The following RASA3 variants were observed in gnomAD, a reference collection of about 807,000 sequenced individuals.
RASA3 encodes the protein RAS p21 protein activator 3.
A neutral mutation model predicts 110.0 loss-of-function variants in RASA3; 73 were observed. The observed-to-expected ratio is 0.66, with a 90% confidence interval of 0.55 to 0.81. RASA3 has a LOEUF of 0.81. Among genes scored for constraint, RASA3 ranks in the 30% least tolerant of loss-of-function variants. The probability of loss-of-function intolerance (pLI) is 0.00; values close to 1 mark genes in which losing one functional copy is unlikely to be tolerated. For synonymous variants in RASA3, 500 were observed against 451.4 expected (o/e 1.11, Z -1.37); for missense variants, 976 against 1,113.2 (o/e 0.88, Z 1.75).
At chr13:114,040,322 C>T (rs1330083232) in intron 4 of RASA3, among the ~76,000 whole-genome samples, 5 of 142,914 alleles carry the variant, frequency 3.5e-5, no homozygotes, top group Non-Finnish European at 6.1e-5. Flanking sequence ...CGAGCACAAG[C>T]GGGCGAACAC....
At chr13:114,004,833 C>T (rs918603370) in intron 18 of RASA3, among the ~76,000 whole-genome samples, 13 of 152,172 alleles carry the variant, frequency 8.5e-5, no homozygotes, top group African/African-American at 1.2e-4. Flanking sequence ...GTACGTTTAC[C>T]GCTGAACCAC....
intron 2 of RASA3, among the ~76,000 whole-genome samples, chr13:114,067,207 C>A (rs991930024): frequency 5.5e-5 from 8 of 144,830 alleles, no homozygotes; most frequent in Admixed American, 4.8e-4. Flanking sequence ...ACGGGCCCCC[C>A]ACCTGGGGCA....
chr13:114,064,329 A>T lies in RASA3; in HGVS notation c.173+9391T>A, dbSNP rs1399682347. ...AACCCACGGTGAGCACCCGGCAGGA[A>T]GTGGCCACAGCACCATCACTGGAGG... is the stretch of plus-strand genomic sequence containing the variant. On this transcript the variant is annotated intron_variant, in intron 2 of 23. Coordinates refer to ENST00000334062, the MANE Select transcript of RASA3 (RefSeq NM_007368.4). 4.6e-5 allele frequency among the ~76,000 whole-genome samples: 7 copies of T among 152,158 alleles called. 1 individual carries two copies. The highest frequency in any genetic ancestry group is 7.3e-5 in the Non-Finnish European group (5 of 68,038).
intron 3 of RASA3, 51 bp downstream of exon 3, chr13:114,052,001 C>T: frequency 7.0e-7 from 1 of 1,423,054 alleles, no homozygotes. Flanking sequence ...TAATACTCGC[C>T]TGGTACAGAA....
At position 114,065,235 on chromosome 13, in the gene RASA3, T is replaced by C. The variant is rs1447683832; in HGVS notation, c.173+8485A>G. On this transcript the variant is annotated intron_variant, in intron 2 of 23. Transcript: ENST00000334062. This position sits in a 1 kb window ranked among gnomAD's most constrained non-coding sequence, Gnocchi z 4.1. The stretch of plus-strand genomic sequence containing the variant: ...TCACTTCCCAGCATCTGCGCAAGGC[T>C]GGCGCTGCCCCATCCCGCCTGCGGC... Among the ~76,000 whole-genome samples the C allele has an allele frequency of 1.3e-5, 2 of 152,180 alleles. No individual in the cohort carries two copies. Among genetic ancestry groups the C allele is most frequent in the African/African-American group, 4.8e-5 (2 of 41,448 alleles).
rs1810067341 is a variant in RASA3, at chr13:114,013,553, CCTCTGTCTCTCTCCCTAT to C, written c.1406-323_1406-306del. 4.5e-5 allele frequency among the ~76,000 whole-genome samples: 6 copies of C among 133,722 alleles called. 1 individual carries two copies. 87.7% of individuals were successfully genotyped at this position (133,722 alleles called of 152,430 possible). A position where few individuals can be genotyped will look rare whatever the true frequency, so the allele number is the denominator to read the frequency against. On this transcript the variant is annotated intron_variant, in intron 14 of 23. Transcript: ENST00000334062. The stretch of plus-strand genomic sequence containing the variant: ...CTCTGTCTCTCTCCCTCTCTTTGTC[CCTCTGTCTCTCTCCCTAT>C]CTCTGTCTCTCTCTCTCTCTCTCCG...
chr13:113,994,166 CT>C (rs1296589299), intron 21 of RASA3, among the ~76,000 whole-genome samples: 1 of 152,024 alleles, frequency 6.6e-6, no homozygotes, highest in African/African-American at 2.4e-5. Flanking sequence ...CAGTTTTTCC[CT>C]TTTCTTCCCA....
chr13:114,060,091 G>A (rs978059382), intron 2 of RASA3, among the ~76,000 whole-genome samples: 8 of 152,240 alleles, frequency 5.3e-5, no homozygotes, highest in Non-Finnish European at 7.3e-5. Flanking sequence ...CGCGGAGAGC[G>A]CAGGAGGGGT....
At chr13:114,032,407 A>C (rs937829108) in intron 4 of RASA3, among the ~76,000 whole-genome samples, 1 of 152,286 alleles carries the variant, frequency 6.6e-6, no homozygotes, top group Middle Eastern at 3.4e-3. Context: ...CTGCCTTCTC[A>C]GGTCAAACTG....
intron 10 of RASA3, 150 bp downstream of exon 10, chr13:114,018,613 C>T (rs887649339): frequency 3.0e-6 from 3 of 1,001,250 alleles, no homozygotes; most frequent in African/African-American, 1.6e-5. Flanking sequence ...GGGGTCCAGG[C>T]ATCTGGACGG....
In RASA3 at chr13:114,132,614, A is replaced by C. The variant is rs2080538612; in HGVS notation, c.-125T>G. Reference sequence around the variant, plus strand: ...GGCCGAGGGTCCGCCCGCCTGCAAGACCGCCAGTTGGCCGAGGGCGAGGGC... The same window carrying C: ...GGCCGAGGGTCCGCCCGCCTGCAAGCCCGCCAGTTGGCCGAGGGCGAGGGC... On this transcript the variant is annotated 5_prime_UTR_variant, in exon 1 of 24. Coordinates refer to ENST00000334062, the MANE Select transcript of RASA3 (RefSeq NM_007368.4). 2 of 747,756 alleles carry C rather than the reference A, an allele frequency of 2.7e-6. No homozygotes were observed. The highest frequency in any genetic ancestry group is 9.7e-5 in the Admixed American group (2 of 20,578). 46.3% of individuals were successfully genotyped at this position (747,756 alleles called of 1,614,324 possible).
At chr13:114,077,167 C>T (rs74116467) in intron 1 of RASA3, among the ~76,000 whole-genome samples, 12,451 of 152,212 alleles carry the variant, frequency 0.082, 1,076 homozygotes, top group African/African-American at 0.21. Flanking sequence ...CTGGGTCTTC[C>T]GAAGGCGGAC....
chr13:114,061,074 C>G (rs1228735116), intron 2 of RASA3, among the ~76,000 whole-genome samples: 2 of 152,170 alleles, frequency 1.3e-5, no homozygotes, highest in African/African-American at 2.4e-5. Context: ...TTCTTCTTCC[C>G]GAGACCTCGC....
chr13:114,087,976 A>G (rs934299261), intron 1 of RASA3, among the ~76,000 whole-genome samples: 9 of 152,188 alleles, frequency 5.9e-5, no homozygotes, highest in Non-Finnish European at 1.2e-4. Flanking sequence ...CTAAAAATAC[A>G]AAAAATTAGC....
In RASA3 at chr13:114,112,588, C is replaced by A. The variant is rs1260288512; in HGVS notation, c.55+19847G>T. Among the ~76,000 whole-genome samples the A allele has an allele frequency of 6.6e-6, 1 of 152,072 alleles. No homozygotes were observed. Among genetic ancestry groups the A allele is most frequent in the Non-Finnish European group, 1.5e-5 (1 of 67,998 alleles). On this transcript the variant is annotated intron_variant, in intron 1 of 23. Coordinates refer to ENST00000334062, the MANE Select transcript of RASA3 (RefSeq NM_007368.4). The surrounding 1 kb of genome is among the most constrained non-coding windows in gnomAD (Gnocchi z 4.8). ...CGCGTGCCCGGGGATGCTGGTGCTG[C>A]AGGTATGGGGACCCCGCTAGGAGAG...
At chr13:113,979,502 G>C (rs184330604) in intron 23 of RASA3, 80 bp from the exon 24 acceptor site, 1 of 1,133,166 alleles carries the variant, frequency 8.8e-7, no homozygotes, top group Non-Finnish European at 1.3e-6. Context: ...AGCTTTTCCT[G>C]TTCCTAAATG....
intron 3 of RASA3, among the ~76,000 whole-genome samples, chr13:114,042,695 C>G (rs1420135215): frequency 1.3e-5 from 2 of 152,228 alleles, no homozygotes; most frequent in Non-Finnish European, 2.9e-5. Flanking sequence ...AAGGAAGATC[C>G]TTTTATATTT....
intron 4 of RASA3, among the ~76,000 whole-genome samples, chr13:114,030,572 G>A (rs1216752599): frequency 6.6e-6 from 1 of 151,570 alleles, no homozygotes; most frequent in South Asian, 2.1e-4. Context: ...GCTCACGGGG[G>A]CTTCTAGCAG....
rs1430128631 is a variant in RASA3 at position 114,048,823 on chromosome 13, T to C, written c.277+3229A>G. Among the ~76,000 whole-genome samples, 4 of 150,830 alleles carry C rather than the reference T, an allele frequency of 2.7e-5. No homozygotes were observed. Among genetic ancestry groups the C allele is most frequent in the Non-Finnish European group, 5.9e-5 (4 of 67,686 alleles). On this transcript the variant is annotated intron_variant, in intron 3 of 23. Coordinates refer to ENST00000334062, the MANE Select transcript of RASA3 (RefSeq NM_007368.4). The surrounding 1 kb of genome is among the most constrained non-coding windows in gnomAD (Gnocchi z 4.3). The stretch of plus-strand genomic sequence containing the variant: ...GGGACCCGCCGACACTGGACACTTC[T>C]CCTGCTCCTGCTGTGGCGGGAGCTG...
Sources: allele counts gnomAD v4.1 joint callset (sites outside exome capture counted in the v4.1 genomes callset), GRCh38; gene constraint gnomAD v4.1.1; non-coding constraint Gnocchi (gnomAD v3.1); transcripts MANE v1.5; gene names NCBI Gene and HGNC (gene_info 2026-07-23, HGNC 2026-07-21).